Variants in RNF213 observed in about 807,000 individuals in gnomAD.
RNF213 encodes the protein E3 ubiquitin-protein ligase RNF213.
RNF213 carries 341 observed loss-of-function variants against 514.4 expected under a neutral mutation model. That is an observed-to-expected ratio of 0.66 (90% CI 0.61 to 0.73). RNF213 has a LOEUF of 0.73. Among genes scored for constraint, RNF213 ranks in the 30% least tolerant of loss-of-function variants. The pLI, the probability that RNF213 is intolerant of heterozygous loss-of-function variation, is 0.00. For missense variants in RNF213, 5,767 were observed against 6,615.6 expected (o/e 0.87, Z 4.45); for synonymous variants, 2,655 against 2,658.2 (o/e 1.00, Z 0.04).
At chr17:80,336,096 C>G in intron 22 of RNF213, 65 bp from the exon 23 acceptor site, 1 of 1,339,934 alleles carries the variant, frequency 7.5e-7, no homozygotes. Context: ...GGATTACTGC[C>G]CAAGACCGAG....
In RNF213 at chr17:80,346,702, G is replaced by T. The variant is rs768780342; in HGVS notation, c.8367G>T (p.Pro2789=). The change falls in exon 29 of 68, where the codon CCG becomes CCT. Residue 2789 remains proline (P), a synonymous_variant. Coordinates refer to ENST00000582970, the MANE Select transcript of RNF213 (RefSeq NM_001256071.3). This position sits in a 1 kb window ranked among gnomAD's most constrained non-coding sequence, Gnocchi z 8.1. ...TCGTGGCAGACGCCATGCAGGGCCC[G>T]GCTGCCTACTCAGATCTCTTCCGCA... ...KTIVADAMQG[P]AAYSDLFRSL... is the part of the protein sequence containing the mutation. 1 of 1,611,180 alleles carries T rather than the reference G, an allele frequency of 6.2e-7. No individual in the cohort carries two copies. Among genetic ancestry groups the T allele is most frequent in the Admixed American group, 1.7e-5 (1 of 60,012 alleles).
chr17:80,339,995 G>A lies in RNF213; in HGVS notation c.5628G>A (p.Leu1876=), dbSNP rs754207552. The A allele has an allele frequency of 1.3e-6, 2 of 1,538,230 alleles. No individual in the cohort carries two copies. Among genetic ancestry groups the A allele is most frequent in the East Asian group, 2.4e-5 (1 of 40,918 alleles). The change falls in exon 26 of 68, where the codon CTG becomes CTA. Residue 1876 remains leucine, a synonymous_variant. Coordinates refer to ENST00000582970, the MANE Select transcript of RNF213 (RefSeq NM_001256071.3). Reference sequence around the variant, plus strand: ...CAACCACCTTTGAGGAGGTGGCACTGTTGCTGCGCCGCTGCCTGACCCTGG... The same window carrying A: ...CAACCACCTTTGAGGAGGTGGCACTATTGCTGCGCCGCTGCCTGACCCTGG... The part of the protein sequence containing the change: ...TPATTFEEVA[L]LLRRCLTLGS...
chr17:80,287,721 T>C, intron 3 of RNF213, 94 bp from the exon 4 acceptor site: 3 of 1,290,622 alleles, frequency 2.3e-6, no homozygotes, highest in South Asian at 1.2e-5. Context: ...CCAAGCTTGA[T>C]GTAGTTGAGG....
intron 64 of RNF213, chr17:80,388,953 G>A (rs113639358): frequency 1.9e-5 from 12 of 622,924 alleles, no homozygotes; most frequent in African/African-American, 1.3e-4. Context: ...CCATGGAACC[G>A]ATTTGTTCCT....
chr17:80,303,451 T>C (rs1298462711), intron 11 of RNF213, among the ~76,000 whole-genome samples: 2 of 152,194 alleles, frequency 1.3e-5, no homozygotes, highest in Non-Finnish European at 2.9e-5. Flanking sequence ...AATGAGGCAG[T>C]TGCTCTGTGC....
rs760138653 is a variant in RNF213, at chr17:80,294,796, C to T, written c.1548C>T (p.Asp516=). 44 of 1,614,018 alleles carry T rather than the reference C, an allele frequency of 2.7e-5. No homozygotes were observed. The highest frequency in any genetic ancestry group is 1.6e-4 in the Middle Eastern group (1 of 6,082). The change falls in exon 9 of 68, where the codon GAC becomes GAT. Residue 516 remains aspartate (D), a synonymous_variant. Coordinates refer to ENST00000582970, the MANE Select transcript of RNF213 (RefSeq NM_001256071.3). ...RLQKVMNHIT[D]GPRKDLVKGK... is the part of the protein sequence containing the mutation. ...AGAAAGTCATGAACCACATCACAGACGGGCCGAGGAAGGACCTGGTGAAGG... is the reference window on the plus strand; with the variant it reads ...AGAAAGTCATGAACCACATCACAGATGGGCCGAGGAAGGACCTGGTGAAGG...
At position 80,263,144 on chromosome 17, in the gene RNF213, G is replaced by A. The variant is rs968893583; in HGVS notation, c.-108-430G>A. On this transcript the variant is annotated intron_variant, in intron 1 of 67. Coordinates refer to ENST00000582970, the MANE Select transcript of RNF213 (RefSeq NM_001256071.3). The surrounding 1 kb of genome is among the most constrained non-coding windows in gnomAD (Gnocchi z 4.9). ...TCTGAGGGCAGGTGGTCAGTGCAGA[G>A]TGGCGCGCTTTGTGGATGGCAGCCT... Among the ~76,000 whole-genome samples, 1 of 152,208 alleles carries A rather than the reference G, an allele frequency of 6.6e-6. No individual in the cohort carries two copies. Among genetic ancestry groups the A allele is most frequent in the Admixed American group, 6.5e-5 (1 of 15,286 alleles).
chr17:80,350,235 G>T, intron 30 of RNF213, 66 bp from the exon 31 acceptor site: 3 of 1,007,442 alleles, frequency 3.0e-6, no homozygotes, highest in Admixed American at 1.8e-5. Flanking sequence ...CCATCACTTT[G>T]GGGAATTTTC....
At chr17:80,373,956 T>C (rs571969605) in intron 49 of RNF213, among the ~76,000 whole-genome samples, 1 of 149,212 alleles carries the variant, frequency 6.7e-6, no homozygotes, top group African/African-American at 2.5e-5. Flanking sequence ...TGAGCCGAGA[T>C]TGCACCACTG....
rs1205202576 is a variant in RNF213, at chr17:80,382,015, A to G, written c.13978+288A>G. On this transcript the variant is annotated intron_variant, in intron 57 of 67. Transcript: ENST00000582970. Reference sequence around the variant, plus strand: ...GCGGTATTCGGGAGCGTCTGCACGCAAGTGTTCAGTGTGCATATATGGGGA... The same window carrying G: ...GCGGTATTCGGGAGCGTCTGCACGCGAGTGTTCAGTGTGCATATATGGGGA... 1.8e-5 allele frequency: 8 copies of G among 437,696 alleles called. No individual in the cohort carries two copies. In the East Asian group the frequency reaches 3.3e-4, roughly 18 times the overall value. 27.1% of individuals were successfully genotyped at this position (437,696 alleles called of 1,614,324 possible). A position where few individuals can be genotyped will look rare whatever the true frequency, so the allele number is the denominator to read the frequency against.
At position 80,351,790 on chromosome 17, in the gene RNF213, G is replaced by A. The variant is rs1382190062; in HGVS notation, c.10290G>A (p.Val3430=). ...GGGTGGGAAGAGGAACAGCCTATGT[G>A]GGCTTCCACGGAGGTGAGATCAGAA... ...LSRVGRGTAY[V]GFHGGLWQSV... The change falls in exon 32 of 68, where the codon GTG becomes GTA. Residue 3430 remains valine (V), a synonymous_variant. Transcript: ENST00000582970. The A allele has an allele frequency of 6.4e-7, 1 of 1,567,316 alleles. No individual in the cohort carries two copies. Among genetic ancestry groups the A allele is most frequent in the Non-Finnish European group, 8.8e-7 (1 of 1,137,372 alleles).
At chr17:80,368,909 A>G (rs1225897228) in intron 44 of RNF213, among the ~76,000 whole-genome samples, 1 of 152,050 alleles carries the variant, frequency 6.6e-6, no homozygotes, top group Non-Finnish European at 1.5e-5. Flanking sequence ...CCCCCTTCTC[A>G]GGCCTCCTAA....
In RNF213 at chr17:80,354,178, C is replaced by A. The variant is rs1459681023; in HGVS notation, c.10726+12C>A. 6 of 1,612,678 alleles carry A rather than the reference C, an allele frequency of 3.7e-6. No homozygotes were observed. In the Admixed American group the frequency reaches 8.3e-5, roughly 22 times the overall value. On this transcript the variant is annotated intron_variant, in intron 35 of 67. Transcript: ENST00000582970. ...TGACGCGTGCCACGGTATGAGCCTC[C>A]CCACCCCTCTTGCCCCTGCCCCCAC...
chr17:80,313,566 A>G (rs1442698713), intron 15 of RNF213, among the ~76,000 whole-genome samples: 2 of 120,650 alleles, frequency 1.7e-5, no homozygotes, highest in African/African-American at 6.8e-5. Flanking sequence ...GATGGTGGTG[A>G]TGGTGGTCAT....
At chr17:80,341,329 A>G (rs968391724) in intron 26 of RNF213, 9 of 152,246 alleles carry the variant, frequency 5.9e-5, no homozygotes, top group East Asian at 1.9e-4. Flanking sequence ...TTGAAGAGAA[A>G]GCCATGCCTC....
intron 2 of RNF213, among the ~76,000 whole-genome samples, chr17:80,271,485 G>A (rs984436743): frequency 7.2e-5 from 11 of 152,338 alleles, no homozygotes; most frequent in African/African-American, 2.6e-4. Flanking sequence ...GCTGGGACTG[G>A]CTTGGGGCCT....
Position 80,361,785 on chromosome 17 carries a change from T to G in RNF213, c.11252T>G (p.Phe3751Cys). The change falls in exon 39 of 68, where the codon TTT becomes TGT. Residue 3751 changes from phenylalanine to cysteine, a missense_variant. Coordinates refer to ENST00000582970, the MANE Select transcript of RNF213 (RefSeq NM_001256071.3). ...TTTCAGCAGACTCCTCTGGGCAGGT[T>G]TCTTGCCCAGCTCCATGGAGAGCCG... Reference protein sequence around the residue: ...DIFQQTPLGRFLAQLHGEPQQ... With the variant: ...DIFQQTPLGRCLAQLHGEPQQ... 6.2e-7 allele frequency: 1 copy of G among 1,614,096 alleles called. No individual in the cohort carries two copies. Among genetic ancestry groups the G allele is most frequent in the African/African-American group, 1.3e-5 (1 of 75,058 alleles).
chr17:80,371,230 C>T (rs1467192315), intron 46 of RNF213, among the ~76,000 whole-genome samples: 1 of 152,234 alleles, frequency 6.6e-6, no homozygotes, highest in Non-Finnish European at 1.5e-5. Flanking sequence ...TGCAACTAAC[C>T]TCTAGACATG....
rs757114739 is a variant in RNF213, at chr17:80,390,109, C to G, written c.15383C>G (p.Ala5128Gly). 6.2e-7 allele frequency: 1 copy of G among 1,614,216 alleles called. No individual in the cohort carries two copies. Among genetic ancestry groups the G allele is most frequent in the African/African-American group, 1.3e-5 (1 of 75,046 alleles). The change falls in exon 67 of 68, where the codon GCC (alanine) becomes GGC (glycine). Residue 5128 changes from alanine (A) to glycine (G), a missense_variant. Transcript: ENST00000582970. ...STFLNQTGLDAFLLELHEMII... is the reference protein window; with the variant it reads ...STFLNQTGLDGFLLELHEMII... ...TTCCTAAATCAGACTGGCCTAGACG[C>G]CTTCCTGCTAGAGCTGCACGAAATG...
Sources: allele counts gnomAD v4.1 joint callset (sites outside exome capture counted in the v4.1 genomes callset), GRCh38; gene constraint gnomAD v4.1.1; non-coding constraint Gnocchi (gnomAD v3.1); transcripts MANE v1.5; gene names NCBI Gene and HGNC (gene_info 2026-07-23, HGNC 2026-07-21).